The following OGN variants were observed in gnomAD, a reference collection of about 807,000 sequenced individuals.
OGN encodes mimecan.
Under a neutral mutation model 30.8 loss-of-function variants are expected in OGN, and 19 were observed. That is an observed-to-expected ratio of 0.62 (90% CI 0.43 to 0.90). The LOEUF (loss-of-function observed/expected upper bound fraction) is 0.90, where lower values mean the gene tolerates loss of function less well. Among genes scored for constraint, OGN ranks in the 40% least tolerant of loss-of-function variants. OGN has a pLI of 0.00. For missense variants in OGN, 283 were observed against 349.7 expected, an observed-to-expected ratio of 0.81 and a Z score of 1.52; for synonymous variants, 126 against 128.3, an observed-to-expected ratio of 0.98 and a Z score of 0.12.
intron 6 of OGN, 61 bp from the exon 7 acceptor site, chr9:92,385,851 T>C: frequency 6.4e-7 from 1 of 1,550,712 alleles, no homozygotes; most frequent in Non-Finnish European, 8.9e-7. Flanking sequence ...ATATGCTATA[T>C]AATGGGTAAA....
At position 92,384,783 on chromosome 9, in the gene OGN, A is replaced by G. The variant is rs1237346223; in HGVS notation, c.*837T>C. The G allele has an allele frequency of 1.3e-5, 2 of 152,132 alleles. No individual in the cohort carries two copies. The highest frequency in any genetic ancestry group is 2.9e-5 in the Non-Finnish European group (2 of 68,012). The allele number at this position is 152,132 out of a possible 1,614,324, so 9.4% of individuals were successfully genotyped here. On this transcript the variant is annotated 3_prime_UTR_variant, in exon 7 of 7. Coordinates refer to ENST00000375561, the MANE Select transcript of OGN (RefSeq NM_014057.5). ...ATGAGATTCTCATTTCTGTAGTATA[A>G]AAGGAAAATATTTTGCAGTTATCTC...
intron 3 of OGN, among the ~76,000 whole-genome samples, chr9:92,398,955 G>A (rs887258121): frequency 3.3e-5 from 5 of 151,912 alleles, no homozygotes; most frequent in African/African-American, 7.3e-5. Context: ...CCAGCTACTC[G>A]GAGGCTGAAG....
intron 2 of OGN, among the ~76,000 whole-genome samples, chr9:92,401,575 A>C (rs1048678120): frequency 6.6e-6 from 1 of 152,178 alleles, no homozygotes; most frequent in African/African-American, 2.4e-5. Context: ...TTTCTCATTC[A>C]GATTCTACCA....
intron 3 of OGN, among the ~76,000 whole-genome samples, chr9:92,398,428 A>G (rs1439676115): frequency 6.6e-6 from 1 of 152,054 alleles, no homozygotes; most frequent in Non-Finnish European, 1.5e-5. Context: ...CTCTCCCCCA[A>G]TTTCTTTTTA....
intron 3 of OGN, among the ~76,000 whole-genome samples, chr9:92,395,754 C>T (rs1402798360): frequency 6.6e-6 from 1 of 150,778 alleles, no homozygotes; most frequent in Non-Finnish European, 1.5e-5. Context: ...TTTGTATTCT[C>T]TGATAACTAA....
Position 92,385,268 on chromosome 9 carries a change from G to A in OGN, c.*352C>T, listed in dbSNP as rs144558547. The A allele has an allele frequency of 4.0e-3, 678 of 168,164 alleles. 11 individuals carry two copies. The highest frequency in any genetic ancestry group is 2.6e-3 in the East Asian group (15 of 5,676). The allele number at this position is 168,164 out of a possible 1,614,324, so 10.4% of individuals were successfully genotyped here. On this transcript the variant is annotated 3_prime_UTR_variant, in exon 7 of 7. Coordinates refer to ENST00000375561, the MANE Select transcript of OGN (RefSeq NM_014057.5). Reference sequence around the variant, plus strand: ...CAGTAAAGGCCAGGAAAGGCAAAGAGTTGAAAGTTTCTTGGATTTATCCTC... The same window carrying A: ...CAGTAAAGGCCAGGAAAGGCAAAGAATTGAAAGTTTCTTGGATTTATCCTC...
intron 5 of OGN, among the ~76,000 whole-genome samples, chr9:92,386,789 G>A (rs1439959205): frequency 6.6e-6 from 1 of 152,008 alleles, no homozygotes; most frequent in Non-Finnish European, 1.5e-5. Context: ...TCACCATGTT[G>A]GCTGGTATGG....
intron 5 of OGN, among the ~76,000 whole-genome samples, chr9:92,387,323 C>G (rs541327968): frequency 1.1e-4 from 17 of 151,758 alleles, no homozygotes; most frequent in African/African-American, 4.1e-4. Context: ...TTGCAGTGAG[C>G]CGAGATTGTG....
chr9:92,390,062 G>A lies in OGN; in HGVS notation c.428-6C>T. On this transcript the variant is annotated splice_polypyrimidine_tract_variant and splice_region_variant and intron_variant, in intron 4 of 6. Transcript: ENST00000375561. ...ATCGAGTCTTCTTAAGTTAGCTAGA[G>A]GGAAAAAAATATAAAAAACAACTAC... 1 of 1,520,074 alleles carries A rather than the reference G, an allele frequency of 6.6e-7. No homozygotes were observed. The highest frequency in any genetic ancestry group is 9.0e-7 in the Non-Finnish European group (1 of 1,112,478). The allele number at this position is 1,520,074 out of a possible 1,614,324, so 94.2% of individuals were successfully genotyped here.
chr9:92,396,907 G>C (rs1245632023), intron 3 of OGN, among the ~76,000 whole-genome samples: 1 of 152,054 alleles, frequency 6.6e-6, no homozygotes, highest in Non-Finnish European at 1.5e-5. Flanking sequence ...TGGGTGCAAT[G>C]GCTCATATAT....
In OGN at chr9:92,401,128, C is replaced by T; in HGVS notation, c.232G>A (p.Ala78Thr). ...EKSLQLQKDEAITPLPPKKEN... is the reference protein window; with the variant it reads ...EKSLQLQKDETITPLPPKKEN... ...TTCTTGGGAGGTAATGGTGTTATTG[C>T]CTCATCTTTTTGTAATTGAAGACTT... Residue 78 changes from alanine (A) to threonine (T), a missense_variant, in exon 3 of 7, where the codon GCA becomes ACA. Transcript: ENST00000375561. 6.4e-7 allele frequency: 1 copy of T among 1,551,594 alleles called. No homozygotes were observed. Among genetic ancestry groups the T allele is most frequent in the East Asian group, 2.3e-5 (1 of 44,304 alleles).
At position 92,404,492 on chromosome 9, in the gene OGN, C is replaced by T. The variant is rs1262143130; in HGVS notation, c.-76+4G>A. Reference sequence around the variant, plus strand: ...TTAAAATAATATATGAAAAGTAAGCCTACCGTTGTAGCTGTTTTGAAGTTT... The same window carrying T: ...TTAAAATAATATATGAAAAGTAAGCTTACCGTTGTAGCTGTTTTGAAGTTT... On this transcript the variant is annotated splice_donor_region_variant and intron_variant, in intron 1 of 6. Transcript: ENST00000375561. 1.6e-6 allele frequency: 2 copies of T among 1,283,062 alleles called. No homozygotes were observed. The highest frequency in any genetic ancestry group is 6.0e-5 in the East Asian group (1 of 16,628). 79.5% of individuals were successfully genotyped at this position (1,283,062 alleles called of 1,614,324 possible). A position where few individuals can be genotyped will look rare whatever the true frequency, so the allele number is the denominator to read the frequency against.
chr9:92,395,799 T>G (rs1366947059), intron 3 of OGN, among the ~76,000 whole-genome samples: 2 of 152,168 alleles, frequency 1.3e-5, no homozygotes, highest in Non-Finnish European at 2.9e-5. Context: ...TTGTTTGGCA[T>G]CCATATATTT....
chr9:92,393,665 G>A (rs868678815), intron 3 of OGN, among the ~76,000 whole-genome samples: 1 of 152,238 alleles, frequency 6.6e-6, no homozygotes, highest in East Asian at 1.9e-4. Flanking sequence ...TAGAGTAATC[G>A]TAGGCACTGT....
rs1842386828 is a variant in OGN, at chr9:92,385,632, C to A, written c.885G>T (p.Gly295=). 1 of 1,613,924 alleles carries A rather than the reference C, an allele frequency of 6.2e-7. No homozygotes were observed. The highest frequency in any genetic ancestry group is 8.5e-7 in the Non-Finnish European group (1 of 1,179,916). Residue 295 remains glycine, a synonymous_variant, in exon 7 of 7, where the codon GGG becomes GGT. Coordinates refer to ENST00000375561, the MANE Select transcript of OGN (RefSeq NM_014057.5). ...SFICLKRLPI[G]SYF ...GTACCAATAGAGGTTAAAAGTATGA[C>A]CCTATCGGTAATCTTTTTAAGCAAA...
At chr9:92,392,224 A>G (rs1309798123) in intron 4 of OGN, among the ~76,000 whole-genome samples, 2 of 152,120 alleles carry the variant, frequency 1.3e-5, no homozygotes, top group East Asian at 3.9e-4. Context: ...GTATTTCCAT[A>G]TTAGAATCAT....
At chr9:92,390,492 A>G (rs756679664) in intron 4 of OGN, among the ~76,000 whole-genome samples, 2 of 152,166 alleles carry the variant, frequency 1.3e-5, no homozygotes, top group Non-Finnish European at 2.9e-5. Context: ...TCTATGCCTT[A>G]TCGCTTAACA....
rs1842325479 is a variant in OGN, at chr9:92,383,774, T to C, written c.*1846A>G. Among the ~76,000 whole-genome samples, 1 of 152,172 alleles carries C rather than the reference T, an allele frequency of 6.6e-6. No individual in the cohort carries two copies. The highest frequency in any genetic ancestry group is 1.5e-5 in the Non-Finnish European group (1 of 67,998). Reference sequence around the variant, plus strand: ...TTTTACCAATGTTCTTTCTCCCTTATCATTATCTTATCTAAAACTACTGAC... The same window carrying C: ...TTTTACCAATGTTCTTTCTCCCTTACCATTATCTTATCTAAAACTACTGAC... On this transcript the variant is annotated 3_prime_UTR_variant, in exon 7 of 7. Transcript: ENST00000375561.
In OGN at chr9:92,401,159, A is replaced by T. The variant is rs768637841; in HGVS notation, c.201T>A (p.Asn67Lys). 9 of 1,528,294 alleles carry T rather than the reference A, an allele frequency of 5.9e-6. No individual in the cohort carries two copies. Among genetic ancestry groups the T allele is most frequent in the African/African-American group, 1.4e-5 (1 of 73,186 alleles). The allele number at this position is 1,528,294 out of a possible 1,614,324, so 94.7% of individuals were successfully genotyped here. ...IKEKETVIIP[N>K]EKSLQLQKDE... is the part of the protein sequence containing the mutation. Reference sequence around the variant, plus strand: ...CTTTTTGTAATTGAAGACTTTTCTCATTGGGTATTATCACAGTTTCTTTTT... The same window carrying T: ...CTTTTTGTAATTGAAGACTTTTCTCTTTGGGTATTATCACAGTTTCTTTTT... Residue 67 changes from asparagine to lysine, a missense_variant, in exon 3 of 7, where the codon AAT (asparagine) becomes AAA (lysine). By Grantham distance (94) the Asn-to-Lys change is moderately conservative. Coordinates refer to ENST00000375561, the MANE Select transcript of OGN (RefSeq NM_014057.5).
Sources: allele counts gnomAD v4.1 joint callset (sites outside exome capture counted in the v4.1 genomes callset), GRCh38; gene constraint gnomAD v4.1.1; transcripts MANE v1.5; gene names NCBI Gene and HGNC (gene_info 2026-07-23, HGNC 2026-07-21).